The following DLG2 variants were observed in gnomAD, a reference collection of about 807,000 sequenced individuals.
DLG2 encodes discs large MAGUK scaffold protein 2.
DLG2 carries 45 observed loss-of-function variants against 132.5 expected under a neutral mutation model. That is an observed-to-expected ratio of 0.34 (90% CI 0.27 to 0.44). The LOEUF (loss-of-function observed/expected upper bound fraction) is 0.44. Among genes scored for constraint, DLG2 ranks in the 20% least tolerant of loss-of-function variants. DLG2 has a pLI of 1.00. For missense variants in DLG2, 1,045 were observed against 1,196.9 expected (o/e 0.87, Z 1.87); for synonymous variants, 424 against 419.6 (o/e 1.01, Z -0.13).
chr11:84,639,065 C>A (rs1318892553), intron 6 of DLG2, among the ~76,000 whole-genome samples: 1 of 152,186 alleles, frequency 6.6e-6, no homozygotes, highest in Non-Finnish European at 1.5e-5. Context: ...CTTTAGCTCT[C>A]TTTAACTTTT....
chr11:84,538,425 T>C (rs1272967261), intron 6 of DLG2, among the ~76,000 whole-genome samples: 1 of 152,212 alleles, frequency 6.6e-6, no homozygotes, highest in Non-Finnish European at 1.5e-5. Context: ...TGAAGCCTCC[T>C]CTCTTGGATG....
At chr11:84,612,787 G>C (rs1593765678) in intron 6 of DLG2, among the ~76,000 whole-genome samples, 2 of 151,974 alleles carry the variant, frequency 1.3e-5, no homozygotes, top group African/African-American at 4.8e-5. Context: ...AGCTTCATAA[G>C]ATAATTTTTA....
At chr11:83,511,645 C>T (rs2095037387) in intron 21 of DLG2, among the ~76,000 whole-genome samples, 1 of 151,858 alleles carries the variant, frequency 6.6e-6, no homozygotes, top group Non-Finnish European at 1.5e-5. Context: ...ATATTACACT[C>T]AGCCCTCCAA....
chr11:85,303,156 C>A (rs1454517883), intron 3 of DLG2, among the ~76,000 whole-genome samples: 1 of 152,042 alleles, frequency 6.6e-6, no homozygotes, highest in Admixed American at 6.5e-5. Flanking sequence ...TGTATTCCCA[C>A]CTGAATTTGT....
chr11:83,720,565 G>T (rs34771859), intron 18 of DLG2, among the ~76,000 whole-genome samples: 1 of 152,022 alleles, frequency 6.6e-6, no homozygotes, highest in Non-Finnish European at 1.5e-5. Context: ...ACAGAGCTAA[G>T]AAGTGATGGA....
At chr11:84,431,354 G>A (rs2098984130) in intron 7 of DLG2, among the ~76,000 whole-genome samples, 1 of 152,222 alleles carries the variant, frequency 6.6e-6, no homozygotes. Flanking sequence ...AAAACTAGTA[G>A]TAATAATCTC....
At chr11:84,466,026 C>A (rs2099093476) in intron 7 of DLG2, among the ~76,000 whole-genome samples, 1 of 150,672 alleles carries the variant, frequency 6.6e-6, no homozygotes, top group African/African-American at 2.4e-5. Context: ...AGAAAAAGAC[C>A]CAGATATATA....
chr11:84,477,803 G>C (rs2099125775), intron 7 of DLG2, among the ~76,000 whole-genome samples: 1 of 152,164 alleles, frequency 6.6e-6, no homozygotes. Flanking sequence ...GGATAGATGA[G>C]AGTATGTGCT....
At chr11:85,227,638 G>A (rs2075054160) in intron 4 of DLG2, among the ~76,000 whole-genome samples, 1 of 152,020 alleles carries the variant, frequency 6.6e-6, no homozygotes, top group Non-Finnish European at 1.5e-5. Context: ...TCTTCACACT[G>A]CAGCCACAGT....
At chr11:84,067,345 A>C (rs917782003) in intron 10 of DLG2, among the ~76,000 whole-genome samples, 7 of 152,134 alleles carry the variant, frequency 4.6e-5, no homozygotes, top group Admixed American at 4.6e-4. Context: ...AAACAAAACA[A>C]AACAAAACAA....
intron 9 of DLG2, among the ~76,000 whole-genome samples, chr11:84,117,664 T>C (rs369593935): frequency 1.3e-5 from 2 of 152,330 alleles, no homozygotes; most frequent in Admixed American, 6.5e-5. Flanking sequence ...TTACTTCTGC[T>C]GCCACATGTA....
chr11:84,476,266 A>T (rs1337349066), intron 7 of DLG2, among the ~76,000 whole-genome samples: 1 of 152,160 alleles, frequency 6.6e-6, no homozygotes, highest in Non-Finnish European at 1.5e-5. Flanking sequence ...TTCACTTGAC[A>T]TGACTGGAAA....
intron 3 of DLG2, among the ~76,000 whole-genome samples, chr11:85,549,279 C>G (rs1276948830): frequency 6.6e-6 from 1 of 152,102 alleles, no homozygotes; most frequent in Non-Finnish European, 1.5e-5. Context: ...GACGCCCCAC[C>G]CTGCTTCCAC....
At chr11:83,582,897 C>T (rs952477319) in intron 19 of DLG2, among the ~76,000 whole-genome samples, 1 of 152,144 alleles carries the variant, frequency 6.6e-6, no homozygotes, top group African/African-American at 2.4e-5. Flanking sequence ...AAAAGTATAA[C>T]AACCCAGCAG....
At chr11:83,943,812 C>T (rs1283628423) in intron 14 of DLG2, among the ~76,000 whole-genome samples, 1 of 152,214 alleles carries the variant, frequency 6.6e-6, no homozygotes, top group Non-Finnish European at 1.5e-5. Flanking sequence ...AGAGCGCAAG[C>T]TTTTGGGCTA....
intron 11 of DLG2, among the ~76,000 whole-genome samples, chr11:84,045,251 C>T (rs772083547): frequency 6.6e-6 from 1 of 151,616 alleles, no homozygotes; most frequent in African/African-American, 2.4e-5. Flanking sequence ...ATGCACTTGC[C>T]AAATTCCATC....
intron 17 of DLG2, among the ~76,000 whole-genome samples, chr11:83,788,429 G>A (rs2040611539): frequency 6.6e-6 from 1 of 152,232 alleles, no homozygotes; most frequent in Admixed American, 6.5e-5. Context: ...CTCTCTTGCT[G>A]ACTGTCATAC....
chr11:84,288,898 T>G (rs2097947185), intron 7 of DLG2, among the ~76,000 whole-genome samples: 1 of 151,732 alleles, frequency 6.6e-6, no homozygotes, highest in Admixed American at 6.6e-5. Context: ...TATTTACTTT[T>G]ATAATGAACT....
At chr11:83,746,518 A>G (rs1299709210) in intron 18 of DLG2, among the ~76,000 whole-genome samples, 1 of 151,852 alleles carries the variant, frequency 6.6e-6, no homozygotes, top group Non-Finnish European at 1.5e-5. Flanking sequence ...ATAGGTGGGA[A>G]TTGAACAATG....
Sources: allele counts gnomAD v4.1 joint callset (sites outside exome capture counted in the v4.1 genomes callset), GRCh38; gene constraint gnomAD v4.1.1; transcripts MANE v1.5; gene names NCBI Gene and HGNC (gene_info 2026-07-23, HGNC 2026-07-21).